ARRB1: variants seen among roughly 807,000 people sequenced by gnomAD.
The protein encoded by ARRB1 is arrestin beta 1.
In ARRB1, 21 loss-of-function variants were observed where a neutral mutation model predicts 56.8. The observed-to-expected ratio is 0.37, with a 90% CI of 0.26 to 0.53. The LOEUF is 0.53. ARRB1 is among the 20% of genes least tolerant of loss of function. The pLI, the probability that ARRB1 is intolerant of heterozygous loss-of-function variation, is 0.88. For missense variants in ARRB1, 424 were observed against 553.7 expected (o/e 0.77, Z 2.35); for synonymous variants, 210 against 218.6 (o/e 0.96, Z 0.35).
At chr11:75,283,568 G>A (rs1946400444) in intron 4 of ARRB1, 85 bp from the exon 5 acceptor site, 11 of 1,366,646 alleles carry the variant, frequency 8.0e-6, no homozygotes, top group Non-Finnish European at 1.1e-5. Context: ...CCTGGGACGG[G>A]CCCCACTGGA....
Position 75,262,535 on chromosome 11 carries a change from A to G in ARRB1, c.*3628T>C, listed in dbSNP as rs1248219369. 3 of 152,216 alleles carry G rather than the reference A, an allele frequency of 2.0e-5. No homozygotes were observed. Among genetic ancestry groups the G allele is most frequent in the Non-Finnish European group, 4.4e-5 (3 of 68,042 alleles). The allele number at this position is 152,216 out of a possible 1,614,324, so 9.4% of individuals were successfully genotyped here. On this transcript the variant is annotated 3_prime_UTR_variant, in exon 16 of 16. Coordinates refer to ENST00000420843, the MANE Select transcript of ARRB1 (RefSeq NM_004041.5). ...GGTGGGGAGGGCTCCTCCTGCAGCA[A>G]ACTTTCTGTGTGACCTTGGGCCATC...
intron 1 of ARRB1, among the ~76,000 whole-genome samples, chr11:75,329,088 C>CTTTTT (rs770989128): frequency 2.9e-5 from 3 of 103,658 alleles, no homozygotes; most frequent in Non-Finnish European, 5.9e-5. Context: ...TGCTGTGTAA[C>CTTTTT]TTTTTTTTTT....
intron 2 of ARRB1, among the ~76,000 whole-genome samples, chr11:75,289,569 G>A (rs1946557181): frequency 6.6e-6 from 1 of 152,194 alleles, no homozygotes; most frequent in African/African-American, 2.4e-5. Context: ...CTAAACTGAG[G>A]GGGAAGCAGG....
intron 1 of ARRB1, among the ~76,000 whole-genome samples, chr11:75,293,351 A>G (rs1292995700): frequency 3.3e-5 from 5 of 152,164 alleles, no homozygotes; most frequent in African/African-American, 1.2e-4. Context: ...TCCCGAGCCC[A>G]TGTCCTTTCC....
intron 13 of ARRB1, among the ~76,000 whole-genome samples, chr11:75,270,039 A>G (rs906997858): frequency 6.6e-6 from 1 of 152,262 alleles, no homozygotes; most frequent in African/African-American, 2.4e-5. Flanking sequence ...CAAGCCGTGC[A>G]ATTAGAAAGG....
chr11:75,342,741 G>A (rs555285045), intron 1 of ARRB1, among the ~76,000 whole-genome samples: 3 of 152,296 alleles, frequency 2.0e-5, no homozygotes, highest in East Asian at 1.9e-4. Context: ...GAATGGCTCC[G>A]TGGCCGGGGC....
intron 11 of ARRB1, 56 bp downstream of exon 11, chr11:75,274,018 T>C: frequency 6.2e-6 from 10 of 1,611,776 alleles, no homozygotes; most frequent in Non-Finnish European, 8.5e-6. Context: ...AAGGAGGGTG[T>C]GGCCCCATCA....
intron 1 of ARRB1, among the ~76,000 whole-genome samples, chr11:75,348,161 G>A (rs1947800340): frequency 6.6e-6 from 1 of 152,156 alleles, no homozygotes; most frequent in Non-Finnish European, 1.5e-5. Context: ...TACCTCTTAA[G>A]GCTCACTATC....
At chr11:75,276,749 A>C in intron 10 of ARRB1, 90 bp downstream of exon 10, 6 of 1,321,194 alleles carry the variant, frequency 4.5e-6, no homozygotes, top group Non-Finnish European at 6.4e-6. Flanking sequence ...CAGGTGGAGA[A>C]GAGCCACCTG....
In ARRB1 at chr11:75,276,915, G is replaced by C; in HGVS notation, c.704-4C>G. On this transcript the variant is annotated splice_region_variant and splice_polypyrimidine_tract_variant and intron_variant, in intron 9 of 15. Transcript: ENST00000420843. ...CAGATGTCTGCATACTGGCGCACTA[G>C]GGAGGGAGAGGAATCAAGGTGGAGT... is the stretch of plus-strand genomic sequence containing the variant. 1 of 1,614,044 alleles carries C rather than the reference G, an allele frequency of 6.2e-7. No individual in the cohort carries two copies. The highest frequency in any genetic ancestry group is 8.5e-7 in the Non-Finnish European group (1 of 1,179,890).
intron 1 of ARRB1, among the ~76,000 whole-genome samples, chr11:75,296,020 A>G (rs998714294): frequency 1.3e-5 from 2 of 151,986 alleles, no homozygotes; most frequent in African/African-American, 2.4e-5. Context: ...CCTTGTCTCT[A>G]CTAAAAATAC....
chr11:75,282,114 A>G (rs940352969), intron 5 of ARRB1, 93 bp from the exon 6 acceptor site: 12 of 1,365,492 alleles, frequency 8.8e-6, no homozygotes, highest in African/African-American at 1.4e-5. Context: ...CACCCATCAG[A>G]CCAAGGGCCC....
At chr11:75,319,070 C>T (rs1947306176) in intron 1 of ARRB1, among the ~76,000 whole-genome samples, 1 of 152,138 alleles carries the variant, frequency 6.6e-6, no homozygotes. Flanking sequence ...ATAATTTACC[C>T]CGGGTCCCAG....
intron 9 of ARRB1, 129 bp downstream of exon 9, chr11:75,277,235 A>G: frequency 1.0e-6 from 1 of 983,614 alleles, no homozygotes; most frequent in Non-Finnish European, 1.6e-6. Context: ...TGTGGCTCAG[A>G]GCAGGCCCTG....
In ARRB1 at chr11:75,260,127, T is replaced by C. The variant is rs1417136592; in HGVS notation, c.*6036A>G. ...AAATGAAAGCACAGCCAGCATCCTC[T>C]GCCACAAAAGACCTTTAATGGCCTC... On this transcript the variant is annotated 3_prime_UTR_variant, in exon 16 of 16. Transcript: ENST00000420843. The C allele has an allele frequency of 2.0e-5, 3 of 152,250 alleles. No individual in the cohort carries two copies. The highest frequency in any genetic ancestry group is 2.0e-4 in the Admixed American group (3 of 15,288). The allele number at this position is 152,250 out of a possible 1,614,324, so 9.4% of individuals were successfully genotyped here. A position where few individuals can be genotyped will look rare whatever the true frequency, so the allele number is the denominator to read the frequency against.
At chr11:75,268,856 C>T (rs780886956) in intron 14 of ARRB1, 33 bp downstream of exon 14, 3 of 1,602,368 alleles carry the variant, frequency 1.9e-6, no homozygotes, top group African/African-American at 1.4e-5. Context: ...TGCTAGAGAA[C>T]CCCTACCCCA....
chr11:75,306,421 A>T, intron 1 of ARRB1: 1 of 482,764 alleles, frequency 2.1e-6, no homozygotes, highest in Non-Finnish European at 3.9e-6. Context: ...TGTGTTCTCC[A>T]TCCCCACCTA....
chr11:75,279,289 G>A (rs1173034831), intron 7 of ARRB1, among the ~76,000 whole-genome samples: 1 of 152,240 alleles, frequency 6.6e-6, no homozygotes, highest in Non-Finnish European at 1.5e-5. Flanking sequence ...GGCTTGGGGA[G>A]GCGTTGGGGT....
chr11:75,289,382 A>G (rs904671988), intron 2 of ARRB1, among the ~76,000 whole-genome samples: 2 of 152,110 alleles, frequency 1.3e-5, no homozygotes, highest in Non-Finnish European at 2.9e-5. Context: ...TGCAGCCCCA[A>G]TGGCCCCGTA....
Sources: gnomAD v4.1 joint callset for allele counts (sites outside exome capture counted in the v4.1 genomes callset) on GRCh38, gnomAD v4.1.1 for gene constraint, MANE v1.5 for transcripts, NCBI Gene and HGNC (gene_info 2026-07-23, HGNC 2026-07-21) for gene names.